The following NCAPD3 variants were observed in gnomAD, a reference collection of about 807,000 sequenced individuals.
The protein encoded by NCAPD3 is non-SMC condensin II complex subunit D3, also known as condensin-2 complex subunit D3.
A neutral mutation model predicts 182.9 loss-of-function variants in NCAPD3; 105 were observed. The ratio of observed to expected loss-of-function variants is 0.57; its 90% CI spans 0.49 to 0.68. The LOEUF (loss-of-function observed/expected upper bound fraction) is 0.68, where lower values mean the gene tolerates loss of function less well. Among genes scored for constraint, NCAPD3 ranks in the 30% least tolerant of loss-of-function variants. The pLI is 0.00. For missense variants in NCAPD3, 1,944 were observed against 1,837.0 expected, an observed-to-expected ratio of 1.06 and a Z score of -1.07; for synonymous variants, 815 against 679.9, an observed-to-expected ratio of 1.20 and a Z score of -3.09.
intron 6 of NCAPD3, 76 bp downstream of exon 6, chr11:134,209,069 G>A: frequency 3.3e-6 from 5 of 1,498,176 alleles, no homozygotes; most frequent in Non-Finnish European, 4.6e-6. Context: ...GGGATAAAAT[G>A]GTATTTCCAT....
chr11:134,207,466 G>A (rs1339545565), intron 7 of NCAPD3, among the ~76,000 whole-genome samples: 3 of 151,880 alleles, frequency 2.0e-5, no homozygotes, highest in African/African-American at 4.8e-5. Flanking sequence ...AAAAAATACC[G>A]ACTGGGCGCA....
At chr11:134,162,839 T>G (rs1379583372) in intron 27 of NCAPD3, among the ~76,000 whole-genome samples, 1 of 152,168 alleles carries the variant, frequency 6.6e-6, no homozygotes, top group Non-Finnish European at 1.5e-5. Context: ...TCCAGCCACT[T>G]CTAGAAAGTG....
rs11223728 is a variant in NCAPD3 at position 134,214,310 on chromosome 11, C to G, written c.382+2626G>C. 3.1e-3 allele frequency among the ~76,000 whole-genome samples: 472 copies of G among 152,178 alleles called. 20 individuals carry two copies. The East Asian group carries it at 0.082, about 26-fold the overall frequency. ...TGGAAAATAAACTCAATTTACTAAA[C>G]AACTCAGAGATGTAAGTAATGACAA... On this transcript the variant is annotated intron_variant, in intron 3 of 34. Coordinates refer to ENST00000534548, the MANE Select transcript of NCAPD3 (RefSeq NM_015261.3).
chr11:134,168,857 C>T lies in NCAPD3; in HGVS notation c.3239+60G>A, dbSNP rs1020924867. On this transcript the variant is annotated intron_variant, in intron 25 of 34. Transcript: ENST00000534548. ...CACTACATGCAAAGAGCCTAACCTC[C>T]CCTGATTCCCCCAGCTCTTACCCAG... 4 of 1,565,262 alleles carry T rather than the reference C, an allele frequency of 2.6e-6. No individual in the cohort carries two copies. The African/African-American group carries it at 5.4e-5, about 21-fold the overall frequency.
At chr11:134,188,356 A>G (rs2135990691) in intron 16 of NCAPD3, among the ~76,000 whole-genome samples, 2 of 152,332 alleles carry the variant, frequency 1.3e-5, no homozygotes, top group Middle Eastern at 6.8e-3. Flanking sequence ...AAATGGACCA[A>G]TTAGCAGGAC....
chr11:134,193,919 A>C, intron 15 of NCAPD3, 97 bp downstream of exon 15: 1 of 1,305,158 alleles, frequency 7.7e-7, no homozygotes, highest in Non-Finnish European at 1.1e-6. Context: ...TAGAGTTTTT[A>C]AAGGTCAACT....
chr11:134,185,110 G>C, intron 17 of NCAPD3, 110 bp from the exon 18 acceptor site: 1 of 975,048 alleles, frequency 1.0e-6, no homozygotes, highest in Non-Finnish European at 1.6e-6. Flanking sequence ...TAGGTAGCAT[G>C]GCTTAGGAGT....
chr11:134,216,812 C>G, intron 3 of NCAPD3, 124 bp downstream of exon 3: 2 of 919,696 alleles, frequency 2.2e-6, no homozygotes, highest in Non-Finnish European at 3.1e-6. Flanking sequence ...CGCAACAACT[C>G]TCTGCCATGG....
intron 27 of NCAPD3, among the ~76,000 whole-genome samples, chr11:134,167,681 T>C (rs1218958851): frequency 5.7e-5 from 6 of 105,964 alleles, no homozygotes; most frequent in Non-Finnish European, 7.4e-5. Flanking sequence ...TGAGATGAGC[T>C]TGGGGGAGGG....
chr11:134,185,041 T>C, intron 17 of NCAPD3, 41 bp from the exon 18 acceptor site: 3 of 1,445,656 alleles, frequency 2.1e-6, no homozygotes, highest in South Asian at 1.1e-5. Context: ...AGAAGCAAGT[T>C]AAACACTGCT....
intron 27 of NCAPD3, among the ~76,000 whole-genome samples, chr11:134,162,585 G>A (rs11601638): frequency 0.078 from 11,853 of 152,222 alleles, 601 homozygotes; most frequent in Admixed American, 0.11. Context: ...AGTCACTAGT[G>A]TATGTTTCTT....
At chr11:134,164,772 G>A (rs1000255881) in intron 27 of NCAPD3, among the ~76,000 whole-genome samples, 2 of 151,686 alleles carry the variant, frequency 1.3e-5, no homozygotes, top group African/African-American at 4.9e-5. Context: ...GAGCTTGGGG[G>A]AGCTGCACAC....
At chr11:134,206,261 A>G (rs971362767) in intron 8 of NCAPD3, among the ~76,000 whole-genome samples, 12 of 152,224 alleles carry the variant, frequency 7.9e-5, no homozygotes, top group African/African-American at 2.9e-4. Flanking sequence ...CAGAAAAGGG[A>G]AAGAGGTGAA....
At chr11:134,193,074 T>C (rs1414964205) in intron 15 of NCAPD3, among the ~76,000 whole-genome samples, 165 bp from the exon 16 acceptor site, 1 of 152,214 alleles carries the variant, frequency 6.6e-6, no homozygotes, top group Non-Finnish European at 1.5e-5. Context: ...GCCAGCTTAA[T>C]GTAAATCACT....
At chr11:134,212,297 T>G (rs530084359) in intron 3 of NCAPD3, among the ~76,000 whole-genome samples, 4 of 151,968 alleles carry the variant, frequency 2.6e-5, no homozygotes, top group Non-Finnish European at 1.5e-5. Flanking sequence ...TAAGCATTAA[T>G]GAAATGTAGG....
At chr11:134,160,203 TA>T in intron 28 of NCAPD3, 129 bp from the exon 29 acceptor site, 1 of 912,906 alleles carries the variant, frequency 1.1e-6, no homozygotes, top group Non-Finnish European at 1.6e-6. Context: ...GAACGCAAAA[TA>T]AAAGTTAAGA....
At chr11:134,202,758 T>G in intron 13 of NCAPD3, 58 bp downstream of exon 13, 2 of 1,333,050 alleles carry the variant, frequency 1.5e-6, no homozygotes, top group Non-Finnish European at 1.0e-6. Context: ...AGACTCTACT[T>G]ACGGTTGTCT....
chr11:134,204,896 T>C lies in NCAPD3; in HGVS notation c.1089+3A>G. 3.1e-6 allele frequency: 5 copies of C among 1,605,882 alleles called. No homozygotes were observed. The highest frequency in any genetic ancestry group is 4.3e-6 in the Non-Finnish European group (5 of 1,172,786). On this transcript the variant is annotated splice_donor_region_variant and intron_variant, in intron 9 of 34. Coordinates refer to ENST00000534548, the MANE Select transcript of NCAPD3 (RefSeq NM_015261.3). The surrounding 1 kb of genome is among the most constrained non-coding windows in gnomAD (Gnocchi z 4.3). ...TTATTAATATTACTAAGGCAAACAG[T>C]ACCTTGGCACAGATGTGCTGCAGTA...
chr11:134,223,294 T>C (rs545611129), intron 1 of NCAPD3: 1 of 623,922 alleles, frequency 1.6e-6, no homozygotes, highest in African/African-American at 1.8e-5. Context: ...GGCAGCAGCA[T>C]CAGGAATGGA....
Sources: gnomAD v4.1 joint callset for allele counts (sites outside exome capture counted in the v4.1 genomes callset) on GRCh38, gnomAD v4.1.1 for gene constraint, Gnocchi (gnomAD v3.1) non-coding constraint, MANE v1.5 for transcripts, NCBI Gene and HGNC (gene_info 2026-07-23, HGNC 2026-07-21) for gene names.